Variants in MAP3K8 observed in about 807,000 individuals in gnomAD.
MAP3K8 encodes the protein Ewing sarcoma transformant.
A neutral mutation model predicts 45.8 loss-of-function variants in MAP3K8; 22 were observed. That is an observed-to-expected ratio of 0.48 (90% confidence interval 0.34 to 0.69). The LOEUF (loss-of-function observed/expected upper bound fraction) is 0.69, where lower values mean the gene tolerates loss of function less well. MAP3K8 is among the 30% of genes least tolerant of loss of function. The probability of loss-of-function intolerance (pLI) is 0.01; values close to 1 mark genes in which losing one functional copy is unlikely to be tolerated. For synonymous variants in MAP3K8, 223 were observed against 214.3 expected (o/e 1.04, Z -0.36); for missense variants, 419 against 585.0 (o/e 0.72, Z 2.93).
In MAP3K8 at chr10:30,458,275, G is replaced by GGT. The variant is rs779259750; in HGVS notation, c.1026+40_1026+41insTG. On this transcript the variant is annotated intron_variant, in intron 7 of 8. Coordinates refer to ENST00000263056, the MANE Select transcript of MAP3K8 (RefSeq NM_005204.4). ...AACCAGGGCTGGGGGCGGCGGGGGG[G>GGT]GGCGTTGAGTTATGCATCCCGCAGG... is the stretch of plus-strand genomic sequence containing the variant. The GGT allele has an allele frequency of 4.4e-4, 597 of 1,356,006 alleles. 46 individuals carry two copies. The East Asian group carries it at 0.015, about 34-fold the overall frequency. 84.0% of individuals were successfully genotyped at this position (1,356,006 alleles called of 1,614,324 possible).
At chr10:30,440,210 C>G (rs187068897) in intron 3 of MAP3K8, among the ~76,000 whole-genome samples, 6 of 152,286 alleles carry the variant, frequency 3.9e-5, no homozygotes, top group East Asian at 1.9e-4. Flanking sequence ...TTTAGTATGT[C>G]AGAGGTGAAC....
chr10:30,456,057 C>T (rs941918509), intron 6 of MAP3K8, among the ~76,000 whole-genome samples: 33 of 152,220 alleles, frequency 2.2e-4, no homozygotes, highest in Admixed American at 1.3e-4. Context: ...CTCTGCACAA[C>T]CCCTGTGGGC....
At position 30,458,274 on chromosome 10, in the gene MAP3K8, G is replaced by GGA. The variant is rs756169372; in HGVS notation, c.1026+39_1026+40insAG. On this transcript the variant is annotated intron_variant, in intron 7 of 8. Coordinates refer to ENST00000263056, the MANE Select transcript of MAP3K8 (RefSeq NM_005204.4). ...CAACCAGGGCTGGGGGCGGCGGGGG[G>GGA]GGGCGTTGAGTTATGCATCCCGCAG... The GGA allele has an allele frequency of 2.0e-5, 27 of 1,364,270 alleles. 3 individuals are homozygous for GGA. The highest frequency in any genetic ancestry group is 3.0e-5 in the African/African-American group (2 of 67,170). The allele number at this position is 1,364,270 out of a possible 1,614,324, so 84.5% of individuals were successfully genotyped here. A position where few individuals can be genotyped will look rare whatever the true frequency, so the allele number is the denominator to read the frequency against.
Position 30,452,170 on chromosome 10 carries a change from T to TA in MAP3K8, c.873+435dup, listed in dbSNP as rs8177011. Among the ~76,000 whole-genome samples the TA allele has an allele frequency of 9.8e-3, 1,459 of 149,378 alleles. 22 individuals are homozygous for TA. Among genetic ancestry groups the TA allele is most frequent in the African/African-American group, 0.033 (1,330 of 40,648 alleles). Reference sequence around the variant, plus strand: ...GCATCATAGCAAGACCCCATCTCTATAAAAAAAAACTGGTTTAGGCTGGGC... The same window carrying TA: ...GCATCATAGCAAGACCCCATCTCTATAAAAAAAAAACTGGTTTAGGCTGGGC... On this transcript the variant is annotated intron_variant, in intron 6 of 8. Transcript: ENST00000263056.
rs1470229486 is a variant in MAP3K8, at chr10:30,451,596, A to G, written c.767-42A>G. 2.8e-6 allele frequency: 3 copies of G among 1,065,844 alleles called. No individual in the cohort carries two copies. The South Asian group carries it at 4.5e-5, about 16-fold the overall frequency. 66.0% of individuals were successfully genotyped at this position (1,065,844 alleles called of 1,614,324 possible). ...TAATGTTTTCATTTGACTTATGGGT[A>G]TATAAAAAATTTTATCTTAAAAATA... On this transcript the variant is annotated intron_variant, in intron 5 of 8. Transcript: ENST00000263056.
Position 30,460,774 on chromosome 10 carries a change from C to T in MAP3K8, c.1342C>T (p.Leu448Phe). 2 of 1,614,042 alleles carry T rather than the reference C, an allele frequency of 1.2e-6. No homozygotes were observed. Among genetic ancestry groups the T allele is most frequent in the Non-Finnish European group, 1.7e-6 (2 of 1,179,994 alleles). The change falls in exon 9 of 9, where the codon CTC becomes TTC. Residue 448 changes from leucine to phenylalanine, a missense_variant. By Grantham distance (22) the Leu-to-Phe change is conservative (BLOSUM62 0). Transcript: ENST00000263056. Reference sequence around the variant, plus strand: ...GAGGCAACGCTCTCTCTACATCGACCTCGGCGCTCTGGCTGGCTACTTCAA... The same window carrying T: ...GAGGCAACGCTCTCTCTACATCGACTTCGGCGCTCTGGCTGGCTACTTCAA... ...LKRQRSLYID[L>F]GALAGYFNLV...
chr10:30,453,756 G>A (rs1228990448), intron 6 of MAP3K8, among the ~76,000 whole-genome samples: 1 of 152,046 alleles, frequency 6.6e-6, no homozygotes, highest in Non-Finnish European at 1.5e-5. Context: ...GATGGGCGTG[G>A]TGTTCTCACA....
intron 3 of MAP3K8, among the ~76,000 whole-genome samples, chr10:30,440,401 AG>A (rs1240129282): frequency 6.6e-6 from 1 of 152,216 alleles, no homozygotes; most frequent in Non-Finnish European, 1.5e-5. Context: ...GTCCAGAAAA[AG>A]TACTTAATTA....
chr10:30,457,973 A>T, intron 6 of MAP3K8, 111 bp from the exon 7 acceptor site: 1 of 876,754 alleles, frequency 1.1e-6, no homozygotes, highest in South Asian at 2.4e-5. Flanking sequence ...GAATGCCTGC[A>T]TTATTCTCCT....
At chr10:30,455,062 A>T (rs745759095) in intron 6 of MAP3K8, among the ~76,000 whole-genome samples, 3 of 152,210 alleles carry the variant, frequency 2.0e-5, no homozygotes, top group Non-Finnish European at 4.4e-5. Flanking sequence ...GAATGCATGG[A>T]TATGAGATAA....
At position 30,448,418 on chromosome 10, in the gene MAP3K8, TTATTATTA is replaced by T. The variant is rs746553205; in HGVS notation, c.504+471_504+478del. ...TTGAAAAGACCCTATCCCAAATTTATTATTATTATTATTATTATTATTATTATTATTTG... is the reference window on the plus strand; with the variant it reads ...TTGAAAAGACCCTATCCCAAATTTATTTATTATTATTATTATTATTATTTG... On this transcript the variant is annotated intron_variant, in intron 4 of 8. Transcript: ENST00000263056. Among the ~76,000 whole-genome samples, 241 of 148,080 alleles carry T rather than the reference TTATTATTA, an allele frequency of 1.6e-3. 13 individuals are homozygous for T. Among genetic ancestry groups the T allele is most frequent in the Non-Finnish European group, 6.6e-4 (44 of 67,130 alleles).
chr10:30,460,904 A>C lies in MAP3K8; in HGVS notation c.*68A>C. ...TGGAGGCTGGTTCTGCTGCCTCTACACAGGGGCCCTGTACAGTGAATGGTG... is the reference window on the plus strand; with the variant it reads ...TGGAGGCTGGTTCTGCTGCCTCTACCCAGGGGCCCTGTACAGTGAATGGTG... On this transcript the variant is annotated 3_prime_UTR_variant, in exon 9 of 9. Coordinates refer to ENST00000263056, the MANE Select transcript of MAP3K8 (RefSeq NM_005204.4). 1 of 1,590,710 alleles carries C rather than the reference A, an allele frequency of 6.3e-7. No homozygotes were observed. The highest frequency in any genetic ancestry group is 8.5e-7 in the Non-Finnish European group (1 of 1,170,242).
chr10:30,458,252 C>T lies in MAP3K8; in HGVS notation c.1026+16C>T, dbSNP rs73247429. The T allele has an allele frequency of 1.9e-3, 1,748 of 920,576 alleles. 19 individuals are homozygous for T. The African/African-American group carries it at 0.03, about 16-fold the overall frequency. The allele number at this position is 920,576 out of a possible 1,614,324, so 57.0% of individuals were successfully genotyped here. On this transcript the variant is annotated intron_variant, in intron 7 of 8. Transcript: ENST00000263056. ...CCTGTACATAGTAAGTGGGGTTCAA[C>T]CAGGGCTGGGGGCGGCGGGGGGGGG...
In MAP3K8 at chr10:30,448,082, A is replaced by T. The variant is rs560693487; in HGVS notation, c.504+133A>T. On this transcript the variant is annotated intron_variant, in intron 4 of 8. Transcript: ENST00000263056. Reference sequence around the variant, plus strand: ...ATCTGAGGGTGCACTGCCTCAAAGCATTTGTTTTTCTGAATTTATTGGCTA... The same window carrying T: ...ATCTGAGGGTGCACTGCCTCAAAGCTTTTGTTTTTCTGAATTTATTGGCTA... 24 of 758,290 alleles carry T rather than the reference A, an allele frequency of 3.2e-5. No individual in the cohort carries two copies. The East Asian group carries it at 6.7e-4, about 21-fold the overall frequency. The allele number at this position is 758,290 out of a possible 1,614,324, so 47.0% of individuals were successfully genotyped here. A position where few individuals can be genotyped will look rare whatever the true frequency, so the allele number is the denominator to read the frequency against.
At position 30,461,367 on chromosome 10, in the gene MAP3K8, T is replaced by TA. The variant is rs1420553927; in HGVS notation, c.*536dup. ...GTAGCAATAAGCTGGACTAGTGTCCTAAAAATGGCTAACTGATGAATTAGA... is the reference window on the plus strand; with the variant it reads ...GTAGCAATAAGCTGGACTAGTGTCCTAAAAAATGGCTAACTGATGAATTAGA... On this transcript the variant is annotated 3_prime_UTR_variant, in exon 9 of 9. Coordinates refer to ENST00000263056, the MANE Select transcript of MAP3K8 (RefSeq NM_005204.4). 1.4e-5 allele frequency: 3 copies of TA among 207,472 alleles called. No homozygotes were observed. Among genetic ancestry groups the TA allele is most frequent in the Non-Finnish European group, 3.0e-5 (3 of 101,474 alleles). 12.9% of individuals were successfully genotyped at this position (207,472 alleles called of 1,614,324 possible).
In MAP3K8 at chr10:30,451,619, AT is replaced by A; in HGVS notation, c.767-18del. 7.7e-6 allele frequency: 11 copies of A among 1,424,614 alleles called. No homozygotes were observed. The highest frequency in any genetic ancestry group is 1.1e-5 in the Non-Finnish European group (11 of 1,027,978). 88.2% of individuals were successfully genotyped at this position (1,424,614 alleles called of 1,614,324 possible). On this transcript the variant is annotated intron_variant, in intron 5 of 8. Transcript: ENST00000263056. Reference sequence around the variant, plus strand: ...GTATATAAAAAATTTTATCTTAAAAATATTTCCTCTCATTTTAGCTAGCAAC... The same window carrying A: ...GTATATAAAAAATTTTATCTTAAAAAATTTCCTCTCATTTTAGCTAGCAAC...
intron 3 of MAP3K8, among the ~76,000 whole-genome samples, chr10:30,441,576 A>G (rs1836110863): frequency 6.6e-6 from 1 of 152,220 alleles, no homozygotes; most frequent in African/African-American, 2.4e-5. Context: ...AGACTAAAAA[A>G]CAGAAGAGAA....
intron 6 of MAP3K8, among the ~76,000 whole-genome samples, chr10:30,451,963 T>C (rs1257047545): frequency 2.0e-5 from 3 of 152,118 alleles, no homozygotes; most frequent in African/African-American, 7.2e-5. Flanking sequence ...TTATTTATAA[T>C]ACATAATAGT....
In MAP3K8 at chr10:30,458,071, A is replaced by T. The variant is rs762683453; in HGVS notation, c.874-13A>T. 6.9e-7 allele frequency: 1 copy of T among 1,458,808 alleles called. No individual in the cohort carries two copies. Among genetic ancestry groups the T allele is most frequent in the Non-Finnish European group, 9.1e-7 (1 of 1,094,990 alleles). 90.4% of individuals were successfully genotyped at this position (1,458,808 alleles called of 1,614,324 possible). ...AGGGGAATGAAGCTGAATGTTTCCC[A>T]CTTCTTTTTCAGATTTACATGAGCC... is the stretch of plus-strand genomic sequence containing the variant. On this transcript the variant is annotated splice_polypyrimidine_tract_variant and intron_variant, in intron 6 of 8. Transcript: ENST00000263056.
Sources: gnomAD v4.1 joint callset for allele counts (sites outside exome capture counted in the v4.1 genomes callset) on GRCh38, gnomAD v4.1.1 for gene constraint, MANE v1.5 for transcripts, NCBI Gene and HGNC (gene_info 2026-07-23, HGNC 2026-07-21) for gene names.